The following ATP13A1 variants were observed in gnomAD, a reference collection of about 807,000 sequenced individuals.
ATP13A1 encodes ATPase 13A1.
ATP13A1 carries 55 observed loss-of-function variants against 134.8 expected under a neutral mutation model. The ratio of observed to expected loss-of-function variants is 0.41; its 90% confidence interval spans 0.33 to 0.51. The LOEUF (loss-of-function observed/expected upper bound fraction) is 0.51, where lower values mean the gene tolerates loss of function less well. Ranked by LOEUF, ATP13A1 falls within the 20% of genes least tolerant of loss-of-function variation. The pLI is 0.29. For synonymous variants in ATP13A1, 775 were observed against 725.1 expected, an observed-to-expected ratio of 1.07 and a Z score of -1.10; for missense variants, 1,389 against 1,652.8, an observed-to-expected ratio of 0.84 and a Z score of 2.77.
chr19:19,649,627 C>G lies in ATP13A1; in HGVS notation c.2572G>C (p.Val858Leu). 1 of 1,613,952 alleles carries G rather than the reference C, an allele frequency of 6.2e-7. No homozygotes were observed. Among genetic ancestry groups the G allele is most frequent in the Non-Finnish European group, 8.5e-7 (1 of 1,179,866 alleles). ...VITSLKELGY[V>L]TLMCGDGTND... is the part of the protein sequence containing the mutation. ...GTGCCATCCCCACACATGAGGGTCA[C>G]GTAGCCCAGCTCCTTCAGGCTGGTG... The change falls in exon 19 of 26, where the codon GTG (valine) becomes CTG (leucine). Residue 858 changes from valine (V) to leucine (L), a missense_variant. Around this residue, in one of 4 missense-constraint regions of ATP13A1, gnomAD observed 747 missense variants for 956.1 expected, o/e 0.78. Transcript: ENST00000357324.
intron 3 of ATP13A1, among the ~76,000 whole-genome samples, chr19:19,659,366 G>C (rs2062079993): frequency 6.6e-6 from 1 of 152,178 alleles, no homozygotes; most frequent in Non-Finnish European, 1.5e-5. Flanking sequence ...TGAGGCAGGA[G>C]AATCACTTGA....
chr19:19,657,865 G>C (rs1443339594), intron 3 of ATP13A1, among the ~76,000 whole-genome samples: 1 of 152,156 alleles, frequency 6.6e-6, no homozygotes, highest in African/African-American at 2.4e-5. Context: ...GCCCCAGAAT[G>C]GGTCGAGTAG....
rs1306708524 is a variant in ATP13A1, at chr19:19,653,770, G to A, written c.2100+14C>T. The stretch of plus-strand genomic sequence containing the variant: ...CAGGCACATGGTGAAGGCAGGGGGA[G>A]CCTGGGCCCGTACCTGCTGGTGAGT... On this transcript the variant is annotated intron_variant, in intron 15 of 25. Coordinates refer to ENST00000357324, the MANE Select transcript of ATP13A1 (RefSeq NM_020410.3). The surrounding 1 kb of genome is among the most constrained non-coding windows in gnomAD (Gnocchi z 4.2). 4 of 1,541,690 alleles carry A rather than the reference G, an allele frequency of 2.6e-6. No homozygotes were observed. Among genetic ancestry groups the A allele is most frequent in the Non-Finnish European group, 3.5e-6 (4 of 1,139,136 alleles).
rs1023139114 is a variant in ATP13A1 at position 19,650,192 on chromosome 19, G to T, written c.2336-252C>A. 32 of 575,640 alleles carry T rather than the reference G, an allele frequency of 5.6e-5. No individual in the cohort carries two copies. The African/African-American group carries it at 5.7e-4, about 10-fold the overall frequency. The allele number at this position is 575,640 out of a possible 1,614,324, so 35.7% of individuals were successfully genotyped here. A position where few individuals can be genotyped will look rare whatever the true frequency, so the allele number is the denominator to read the frequency against. ...CCGGGACACAGCCAGATTAGAACCT[G>T]GGCAGTCTGACCCCAGCTAAGCCAT... On this transcript the variant is annotated intron_variant, in intron 17 of 25. Coordinates refer to ENST00000357324, the MANE Select transcript of ATP13A1 (RefSeq NM_020410.3).
In ATP13A1 at chr19:19,647,761, T is replaced by TG. The variant is rs1229654426; in HGVS notation, c.2633-3dup. 1.3e-6 allele frequency: 2 copies of TG among 1,591,026 alleles called. No individual in the cohort carries two copies. The highest frequency in any genetic ancestry group is 8.5e-7 in the Non-Finnish European group (1 of 1,174,044). On this transcript the variant is annotated splice_polypyrimidine_tract_variant and splice_region_variant and intron_variant, in intron 19 of 25. Transcript: ENST00000357324. This position sits in a 1 kb window ranked among gnomAD's most constrained non-coding sequence, Gnocchi z 4.8. Reference sequence around the variant, plus strand: ...GGGCATTGGCCAAGAGCGCCACACCTGGGGGGCAGGAGGGTGTCAGACCCG... The same window carrying TG: ...GGGCATTGGCCAAGAGCGCCACACCTGGGGGGGCAGGAGGGTGTCAGACCCG...
rs1381347554 is a variant in ATP13A1, at chr19:19,656,928, A to G, written c.907-12T>C. ...CGGCTTCGGTAGACCTGGGCGGGGC[A>G]TGGGTGTCAGCACAGAAGCCGCACC... On this transcript the variant is annotated splice_polypyrimidine_tract_variant and intron_variant, in intron 5 of 25. Coordinates refer to ENST00000357324, the MANE Select transcript of ATP13A1 (RefSeq NM_020410.3). The surrounding 1 kb of genome is among the most constrained non-coding windows in gnomAD (Gnocchi z 4.6). The G allele has an allele frequency of 1.9e-6, 3 of 1,608,810 alleles. No individual in the cohort carries two copies. The highest frequency in any genetic ancestry group is 1.7e-6 in the Non-Finnish European group (2 of 1,178,014).
intron 3 of ATP13A1, among the ~76,000 whole-genome samples, chr19:19,659,077 C>T (rs1012854717): frequency 6.6e-6 from 1 of 152,216 alleles, no homozygotes; most frequent in Non-Finnish European, 1.5e-5. Context: ...CTCTGGGGTT[C>T]CTGCCAGCAG....
At chr19:19,659,311 C>G (rs2062079493) in intron 3 of ATP13A1, among the ~76,000 whole-genome samples, 1 of 152,064 alleles carries the variant, frequency 6.6e-6, no homozygotes, top group African/African-American at 2.4e-5. Flanking sequence ...CAAAAATTAG[C>G]CAGGCGTGGT....
At chr19:19,648,760 G>A (rs1047020769) in intron 19 of ATP13A1, among the ~76,000 whole-genome samples, 1 of 138,482 alleles carries the variant, frequency 7.2e-6, no homozygotes, top group Non-Finnish European at 1.5e-5. Flanking sequence ...AGTGAGCTGA[G>A]ACCGTGCTAT....
intron 16 of ATP13A1, 57 bp downstream of exon 16, chr19:19,652,538 G>A (rs952255892): frequency 5.8e-6 from 9 of 1,557,004 alleles, no homozygotes; most frequent in Non-Finnish European, 7.8e-6. Context: ...AGCTGTAATT[G>A]TCATCTCCTC....
intron 3 of ATP13A1, among the ~76,000 whole-genome samples, chr19:19,658,070 G>A (rs984654235): frequency 2.1e-5 from 3 of 146,254 alleles, no homozygotes; most frequent in African/African-American, 7.6e-5. Flanking sequence ...GAATGCTTGA[G>A]CCCAGGAGTT....
Position 19,647,868 on chromosome 19 carries a change from C to T in ATP13A1, c.2633-109G>A, listed in dbSNP as rs1243485425. 3.6e-6 allele frequency: 5 copies of T among 1,376,758 alleles called. No individual in the cohort carries two copies. Among genetic ancestry groups the T allele is most frequent in the Non-Finnish European group, 4.8e-6 (5 of 1,032,924 alleles). 85.3% of individuals were successfully genotyped at this position (1,376,758 alleles called of 1,614,324 possible). ...GTCCCCCAGCTGGCTCCCGTGAGGA[C>T]AGTTCCCAGACTTCCCCATTTCACC... On this transcript the variant is annotated intron_variant, in intron 19 of 25. Coordinates refer to ENST00000357324, the MANE Select transcript of ATP13A1 (RefSeq NM_020410.3). This position sits in a 1 kb window ranked among gnomAD's most constrained non-coding sequence, Gnocchi z 4.8.
In ATP13A1 at chr19:19,651,485, A is replaced by G. The variant is rs1316316021; in HGVS notation, c.2335+204T>C. The G allele has an allele frequency of 8.4e-6, 4 of 476,898 alleles. No individual in the cohort carries two copies. The East Asian group carries it at 1.0e-4, about 12-fold the overall frequency. 29.5% of individuals were successfully genotyped at this position (476,898 alleles called of 1,614,324 possible). On this transcript the variant is annotated intron_variant, in intron 17 of 25. Coordinates refer to ENST00000357324, the MANE Select transcript of ATP13A1 (RefSeq NM_020410.3). ...CTCATTATGGTAAATAAACACCTAC[A>G]TGCCGCACATCCTGGGACCTGCGAC... is the stretch of plus-strand genomic sequence containing the variant.
Position 19,651,713 on chromosome 19 carries a change from T to G in ATP13A1, c.2311A>C (p.Ile771Leu). 1 of 1,612,866 alleles carries G rather than the reference T, an allele frequency of 6.2e-7. No homozygotes were observed. Among genetic ancestry groups the G allele is most frequent in the Non-Finnish European group, 8.5e-7 (1 of 1,179,464 alleles). ...CCTTTCTCGGAGGGAGGCTGCAGGA[T>G]CAGCGTGTGGGCCTTTTCAATGAAG... ...LHFIEKAHTL[I>L]LQPPSEKGRQ... Residue 771 changes from isoleucine (I) to leucine (L), a missense_variant, in exon 17 of 26, where the codon ATC (isoleucine) becomes CTC (leucine). Transcript: ENST00000357324.
chr19:19,645,357 G>A lies in ATP13A1; in HGVS notation c.*65C>T, dbSNP rs112268372. On this transcript the variant is annotated 3_prime_UTR_variant, in exon 26 of 26. Transcript: ENST00000357324. The surrounding 1 kb of genome is among the most constrained non-coding windows in gnomAD (Gnocchi z 4.1). Reference sequence around the variant, plus strand: ...GGGGTTGGGGGCAGGGTTCCCTCCCGGGGCCCTGTTGGGGTTCCCGCCCAG... The same window carrying A: ...GGGGTTGGGGGCAGGGTTCCCTCCCAGGGCCCTGTTGGGGTTCCCGCCCAG... 77 of 1,513,870 alleles carry A rather than the reference G, an allele frequency of 5.1e-5. No individual in the cohort carries two copies. The Middle Eastern group carries it at 9.3e-4, about 18-fold the overall frequency. 93.8% of individuals were successfully genotyped at this position (1,513,870 alleles called of 1,614,324 possible). A position where few individuals can be genotyped will look rare whatever the true frequency, so the allele number is the denominator to read the frequency against.
chr19:19,658,647 G>A (rs1319904688), intron 3 of ATP13A1, among the ~76,000 whole-genome samples: 5 of 152,300 alleles, frequency 3.3e-5, no homozygotes, highest in South Asian at 2.1e-4. Flanking sequence ...CCAGTTCTCC[G>A]GCTCCCAGCC....
At chr19:19,650,014 C>T in intron 17 of ATP13A1, 74 bp from the exon 18 acceptor site, 1 of 1,355,906 alleles carries the variant, frequency 7.4e-7, no homozygotes, top group East Asian at 2.5e-5. Context: ...TCCACTCGGA[C>T]CCCAGCACCA....
chr19:19,646,185 TC>T lies in ATP13A1; in HGVS notation c.3248+19del. 6.2e-7 allele frequency: 1 copy of T among 1,612,930 alleles called. No individual in the cohort carries two copies. Among genetic ancestry groups the T allele is most frequent in the South Asian group, 1.1e-5 (1 of 90,968 alleles). On this transcript the variant is annotated intron_variant, in intron 23 of 25. Coordinates refer to ENST00000357324, the MANE Select transcript of ATP13A1 (RefSeq NM_020410.3). ...TATTCTCAGCTGCAGGGACATCACC[TC>T]CTCCAAGGCAGCACTTACTTCTCGG...
Position 19,653,813 on chromosome 19 carries a change from T to C in ATP13A1, c.2071A>G (p.Lys691Glu). ...EGARVLALGYKELGHLTHQQA... is the reference protein window; with the variant it reads ...EGARVLALGYEELGHLTHQQA... ...TGGTGAGTGAGGTGTCCCAGCTCCT[T>C]GTACCCCAGCGCCAGGACGCGGGCT... Residue 691 changes from lysine (K) to glutamate (E), a missense_variant, in exon 15 of 26, where the codon AAG (lysine) becomes GAG (glutamate). By Grantham distance (56) the Lys-to-Glu change is moderately conservative. Around this residue, in one of 4 missense-constraint regions of ATP13A1, gnomAD observed 747 missense variants for 956.1 expected, o/e 0.78. Transcript: ENST00000357324. This position sits in a 1 kb window ranked among gnomAD's most constrained non-coding sequence, Gnocchi z 4.2. 1 of 1,555,432 alleles carries C rather than the reference T, an allele frequency of 6.4e-7. No homozygotes were observed. Among genetic ancestry groups the C allele is most frequent in the Non-Finnish European group, 8.7e-7 (1 of 1,149,558 alleles).
Sources: gnomAD v4.1 joint callset for allele counts (sites outside exome capture counted in the v4.1 genomes callset) on GRCh38, gnomAD v4.1.1 for gene constraint, gnomAD v4.1.1 regional missense constraint, Gnocchi (gnomAD v3.1) non-coding constraint, MANE v1.5 for transcripts, NCBI Gene and HGNC (gene_info 2026-07-23, HGNC 2026-07-21) for gene names.